Variants in SLC34A2 observed in about 807,000 individuals in gnomAD.
SLC34A2 encodes solute carrier family 34 member 2, also known as sodium-dependent phosphate transport protein 2B.
A neutral mutation model predicts 50.8 loss-of-function variants in SLC34A2; 41 were observed. That is an observed-to-expected ratio of 0.81 (90% CI 0.63 to 1.05). SLC34A2 has a LOEUF of 1.05. SLC34A2 is among the 50% of genes least tolerant of loss of function. The pLI is 0.00. For missense variants in SLC34A2, 879 were observed against 876.7 expected (o/e 1.00, Z -0.03); for synonymous variants, 401 against 364.2 (o/e 1.10, Z -1.15).
At chr4:25,670,867 T>A in intron 8 of SLC34A2, 34 bp downstream of exon 8, 1 of 1,520,586 alleles carries the variant, frequency 6.6e-7, no homozygotes, top group Non-Finnish European at 9.1e-7. Context: ...GGGCGGGGAG[T>A]GAACCTTTGC....
chr4:25,672,468 C>T (rs753483977), intron 9 of SLC34A2, among the ~76,000 whole-genome samples: 23 of 152,092 alleles, frequency 1.5e-4, no homozygotes, highest in Non-Finnish European at 2.9e-4. Context: ...ATGTTTTTTC[C>T]AACCCAGCCA....
chr4:25,658,520 C>T (rs975051409), intron 1 of SLC34A2, among the ~76,000 whole-genome samples: 5 of 152,200 alleles, frequency 3.3e-5, no homozygotes, highest in Non-Finnish European at 7.3e-5. Flanking sequence ...ACCCTACATT[C>T]CCCTGCTTCC....
chr4:25,666,377 G>A, intron 5 of SLC34A2, 106 bp downstream of exon 5: 1 of 1,285,180 alleles, frequency 7.8e-7, no homozygotes, highest in Non-Finnish European at 1.1e-6. Context: ...TCCAGGCCTT[G>A]CCACCATTGT....
At chr4:25,671,745 C>T (rs2109058200) in intron 9 of SLC34A2, 24 bp downstream of exon 9, 1 of 1,614,088 alleles carries the variant, frequency 6.2e-7, no homozygotes, top group South Asian at 1.1e-5. Context: ...AGTGGATTGG[C>T]CACTATGACA....
At position 25,676,751 on chromosome 4, in the gene SLC34A2, G is replaced by A; in HGVS notation, c.*2G>A. On this transcript the variant is annotated 3_prime_UTR_variant, in exon 13 of 13. Coordinates refer to ENST00000382051, the MANE Select transcript of SLC34A2 (RefSeq NM_006424.3). ...AAGACCGAATGCACGGCCTTGTAGG[G>A]GACGCCCCAGATTGTCAGGGATGGG... 1 of 1,614,102 alleles carries A rather than the reference G, an allele frequency of 6.2e-7. No individual in the cohort carries two copies. Among genetic ancestry groups the A allele is most frequent in the Non-Finnish European group, 8.5e-7 (1 of 1,180,020 alleles).
intron 4 of SLC34A2, among the ~76,000 whole-genome samples, chr4:25,664,632 A>T (rs1429522315): frequency 1.3e-5 from 2 of 152,176 alleles, no homozygotes; most frequent in Non-Finnish European, 2.9e-5. Flanking sequence ...TGACATACAG[A>T]CTTAGCTGAG....
rs2109062115 is a variant in SLC34A2 at position 25,675,991 on chromosome 4, G to A, written c.1459-144G>A. 3 of 1,334,726 alleles carry A rather than the reference G, an allele frequency of 2.2e-6. No homozygotes were observed. The South Asian group carries it at 3.9e-5, about 17-fold the overall frequency. 82.7% of individuals were successfully genotyped at this position (1,334,726 alleles called of 1,614,324 possible). A position where few individuals can be genotyped will look rare whatever the true frequency, so the allele number is the denominator to read the frequency against. ...CTCATGGAATCCAGGTACCCTCTGG[G>A]CTGAGCCATAAGGACAAAGAAGGCC... is the stretch of plus-strand genomic sequence containing the variant. On this transcript the variant is annotated intron_variant, in intron 12 of 12. Transcript: ENST00000382051.
intron 6 of SLC34A2, among the ~76,000 whole-genome samples, chr4:25,669,388 C>T (rs958420378): frequency 3.9e-5 from 6 of 152,278 alleles, no homozygotes; most frequent in African/African-American, 9.6e-5. Flanking sequence ...TGCAATTCTT[C>T]GAAACAGTGA....
chr4:25,674,447 A>G (rs767432261), intron 11 of SLC34A2, 35 bp downstream of exon 11: 2 of 1,613,988 alleles, frequency 1.2e-6, no homozygotes, highest in Non-Finnish European at 1.7e-6. Flanking sequence ...TCTGGCCACC[A>G]CTGCCATTTC....
Position 25,670,722 on chromosome 4 carries a change from T to A in SLC34A2, c.832-16T>A. 2 of 1,605,620 alleles carry A rather than the reference T, an allele frequency of 1.2e-6. No homozygotes were observed. Among genetic ancestry groups the A allele is most frequent in the Non-Finnish European group, 1.7e-6 (2 of 1,172,766 alleles). On this transcript the variant is annotated splice_polypyrimidine_tract_variant and intron_variant, in intron 7 of 12. Coordinates refer to ENST00000382051, the MANE Select transcript of SLC34A2 (RefSeq NM_006424.3). ...CTGAGGATATGCTGATGGTTTCCTG[T>A]CTACTGTTTCCACAGCTGGATAAAA...
chr4:25,676,871 TGATGCAGTCCTACCTAACTC>T lies in SLC34A2; in HGVS notation c.*126_*145del, dbSNP rs1715165110. The T allele has an allele frequency of 7.2e-7, 1 of 1,390,784 alleles. No homozygotes were observed. 86.2% of individuals were successfully genotyped at this position (1,390,784 alleles called of 1,614,324 possible). ...TTTGCTCCCCATTAGCGAATGAAAT[TGATGCAGTCCTACCTAACTC>T]GATTCCCTTTGGCTTGGTGGTAGGC... On this transcript the variant is annotated 3_prime_UTR_variant, in exon 13 of 13. Coordinates refer to ENST00000382051, the MANE Select transcript of SLC34A2 (RefSeq NM_006424.3).
intron 5 of SLC34A2, 140 bp downstream of exon 5, chr4:25,666,411 A>G (rs1714506764): frequency 2.1e-6 from 2 of 960,696 alleles, no homozygotes; most frequent in Admixed American, 2.6e-5. Context: ...CCCAGCTACA[A>G]TGTGTTTCCC....
rs1715148278 is a variant in SLC34A2 at position 25,676,662 on chromosome 4, T to C, written c.1986T>C (p.Pro662=). The part of the protein sequence containing the change: ...QEGQDVPVKA[P]ETFDNITISR... ...GGCAGGATGTCCCTGTCAAGGCTCC[T>C]GAGACCTTTGATAACATAACCATTA... The change falls in exon 13 of 13, where the codon CCT becomes CCC. Residue 662 remains proline (P), a synonymous_variant. Coordinates refer to ENST00000382051, the MANE Select transcript of SLC34A2 (RefSeq NM_006424.3). The C allele has an allele frequency of 1.2e-6, 2 of 1,614,096 alleles. No individual in the cohort carries two copies. The highest frequency in any genetic ancestry group is 1.3e-5 in the African/African-American group (1 of 74,944).
At chr4:25,657,447 A>G (rs953639082) in intron 1 of SLC34A2, among the ~76,000 whole-genome samples, 1 of 152,086 alleles carries the variant, frequency 6.6e-6, no homozygotes, top group Non-Finnish European at 1.5e-5. Flanking sequence ...GTACAAAAAG[A>G]GGGCTATAAA....
At chr4:25,659,139 T>A (rs1714048625) in intron 1 of SLC34A2, among the ~76,000 whole-genome samples, 1 of 151,968 alleles carries the variant, frequency 6.6e-6, no homozygotes, top group Non-Finnish European at 1.5e-5. Context: ...GGCTGTGAGA[T>A]CTGTGGAAAA....
chr4:25,659,422 A>G (rs956260313), intron 1 of SLC34A2, among the ~76,000 whole-genome samples: 2 of 151,982 alleles, frequency 1.3e-5, no homozygotes, highest in Admixed American at 1.3e-4. Flanking sequence ...TTGGAGATGA[A>G]GAGCTTATAG....
intron 5 of SLC34A2, 140 bp downstream of exon 5, chr4:25,666,411 A>C: frequency 1.0e-6 from 1 of 960,696 alleles, no homozygotes; most frequent in Non-Finnish European, 1.5e-6. Flanking sequence ...CCCAGCTACA[A>C]TGTGTTTCCC....
rs1437070859 is a variant in SLC34A2, at chr4:25,676,576, GACTGCCCCAAGT to G, written c.1901_1912del (p.Asp634_Cys638delinsGly). 6.2e-7 allele frequency: 1 copy of G among 1,613,162 alleles called. No individual in the cohort carries two copies. Among genetic ancestry groups the G allele is most frequent in the Non-Finnish European group, 8.5e-7 (1 of 1,179,222 alleles). On this transcript the variant is annotated inframe_deletion, in exon 13 of 13. Transcript: ENST00000382051. Reference sequence around the variant, plus strand: ...CTGCCGCGCGTGCTGCTTGCTGTGTGACTGCCCCAAGTGCTGCCGCTGCAGCAAGTGCTGCGA... The same window carrying G: ...CTGCCGCGCGTGCTGCTTGCTGTGTGGCTGCCGCTGCAGCAAGTGCTGCGA...
chr4:25,664,693 C>A (rs1056257867), intron 4 of SLC34A2, among the ~76,000 whole-genome samples: 1 of 152,114 alleles, frequency 6.6e-6, no homozygotes, highest in Non-Finnish European at 1.5e-5. Context: ...AGAAAGAGTG[C>A]CCTTTCAAAT....
Sources: gnomAD v4.1 joint callset for allele counts (sites outside exome capture counted in the v4.1 genomes callset) on GRCh38, gnomAD v4.1.1 for gene constraint, MANE v1.5 for transcripts, NCBI Gene and HGNC (gene_info 2026-07-23, HGNC 2026-07-21) for gene names.